DHDH: variants seen among roughly 807,000 people sequenced by gnomAD.
The protein encoded by DHDH is dihydrodiol dehydrogenase, also known as trans-1,2-dihydrobenzene-1,2-diol dehydrogenase.
A neutral mutation model predicts 33.2 loss-of-function variants in DHDH; 29 were observed. The observed-to-expected ratio is 0.87, with a 90% CI of 0.65 to 1.19. The LOEUF (loss-of-function observed/expected upper bound fraction) is 1.19. Ranked by LOEUF, DHDH falls within the 50% of genes most tolerant of loss-of-function variation. The pLI, the probability that DHDH is intolerant of heterozygous loss-of-function variation, is 0.00. For missense variants in DHDH, 431 were observed against 455.0 expected, an observed-to-expected ratio of 0.95 and a Z score of 0.48; for synonymous variants, 201 against 187.9, an observed-to-expected ratio of 1.07 and a Z score of -0.57.
chr19:48,937,588 G>A (rs1568596290), intron 3 of DHDH, among the ~76,000 whole-genome samples: 1 of 151,666 alleles, frequency 6.6e-6, no homozygotes, highest in South Asian at 2.1e-4. Flanking sequence ...AGAGGCGGGC[G>A]GATCACGACG....
intron 1 of DHDH, among the ~76,000 whole-genome samples, chr19:48,934,372 C>G (rs1196910240): frequency 2.0e-5 from 3 of 152,174 alleles, no homozygotes; most frequent in African/African-American, 7.2e-5. Context: ...CCTTACATCC[C>G]CTAGCCCGAC....
At chr19:48,944,536 A>G (rs535735229) in intron 6 of DHDH, 29 bp downstream of exon 6, 3 of 1,561,744 alleles carry the variant, frequency 1.9e-6, no homozygotes, top group South Asian at 2.4e-5. Flanking sequence ...GGCAGGCGCC[A>G]GGCCTGGTAG....
In DHDH at chr19:48,944,092, C is replaced by T. The variant is rs181574253; in HGVS notation, c.745-265C>T. Among the ~76,000 whole-genome samples the T allele has an allele frequency of 1.2e-4, 19 of 152,228 alleles. No homozygotes were observed. In the East Asian group the frequency reaches 3.7e-3, roughly 29 times the overall value. ...CCTCCTCTCTAGACCTTAAGAACAC[C>T]TTGTTTCTAAGCTCCTAAGGTTAGG... On this transcript the variant is annotated intron_variant, in intron 5 of 6. Coordinates refer to ENST00000221403, the MANE Select transcript of DHDH (RefSeq NM_014475.4).
chr19:48,944,452 C>A lies in DHDH; in HGVS notation c.840C>A (p.Asp280Glu), dbSNP rs2037911733. Residue 280 changes from aspartate (D) to glutamate (E), a missense_variant, in exon 6 of 7, where the codon GAC becomes GAA. Physicochemically the swap from Asp to Glu is conservative, Grantham distance 45. Transcript: ENST00000221403. ...CAGTCCCAAAGGACTGCAATTTTGA[C>A]AACGGGGCAGGCATGAGTTATGAGG... The part of the protein sequence containing the change: ...LPPVPKDCNF[D>E]NGAGMSYEAK... 6.2e-7 allele frequency: 1 copy of A among 1,613,788 alleles called. No individual in the cohort carries two copies. The highest frequency in any genetic ancestry group is 1.7e-5 in the Admixed American group (1 of 59,962).
chr19:48,938,120 CAG>C lies in DHDH; in HGVS notation c.367-1326_367-1325del, dbSNP rs1370285734. ...GTTGTCATTGTTGTTGTTTTTGAGA[CAG>C]AGTCTTGCTCTGTCGCCAGGCTGGA... On this transcript the variant is annotated intron_variant, in intron 3 of 6. Transcript: ENST00000221403. Among the ~76,000 whole-genome samples, 21 of 152,144 alleles carry C rather than the reference CAG, an allele frequency of 1.4e-4. No homozygotes were observed. The South Asian group carries it at 3.9e-3, about 29-fold the overall frequency.
chr19:48,935,982 G>A (rs749636591), intron 2 of DHDH, 50 bp from the exon 3 acceptor site: 36 of 1,554,624 alleles, frequency 2.3e-5, no homozygotes, highest in Non-Finnish European at 2.8e-5. Flanking sequence ...GCGGAGCTCG[G>A]CTGTCTGGGT....
At chr19:48,939,349 G>T in intron 3 of DHDH, 100 bp from the exon 4 acceptor site, 1 of 1,381,620 alleles carries the variant, frequency 7.2e-7, no homozygotes, top group Non-Finnish European at 9.9e-7. Context: ...GGACTGATGG[G>T]CTGTGTTTGG....
At position 48,935,123 on chromosome 19, in the gene DHDH, G is replaced by A. The variant is rs781165168; in HGVS notation, c.202+12G>A. On this transcript the variant is annotated intron_variant, in intron 2 of 6. Coordinates refer to ENST00000221403, the MANE Select transcript of DHDH (RefSeq NM_014475.4). The stretch of plus-strand genomic sequence containing the variant: ...GGACCCGAGCGTGGGTGAGTGGCGA[G>A]GGCGATGGGGGTGCTGGCCGCCGCC... 3.3e-6 allele frequency: 5 copies of A among 1,534,568 alleles called. No individual in the cohort carries two copies. In the East Asian group the frequency reaches 1.2e-4, roughly 38 times the overall value.
At chr19:48,940,478 C>T (rs1177193566) in intron 4 of DHDH, among the ~76,000 whole-genome samples, 3 of 151,856 alleles carry the variant, frequency 2.0e-5, no homozygotes, top group African/African-American at 7.3e-5. Flanking sequence ...GACCTTTAAC[C>T]CCAAGGAGCA....
chr19:48,934,135 T>C (rs1035451727), intron 1 of DHDH, among the ~76,000 whole-genome samples: 2 of 152,228 alleles, frequency 1.3e-5, no homozygotes, highest in Admixed American at 1.3e-4. Context: ...TGTCCTGTAT[T>C]GAATCAAAGT....
At chr19:48,939,028 G>A (rs1431857248) in intron 3 of DHDH, among the ~76,000 whole-genome samples, 1 of 152,138 alleles carries the variant, frequency 6.6e-6, no homozygotes, top group Non-Finnish European at 1.5e-5. Context: ...GCTTTCAGAG[G>A]TACTAGGGAG....
rs892018518 is a variant in DHDH at position 48,944,841 on chromosome 19, G to A, written c.913G>A (p.Val305Met). 6.2e-7 allele frequency: 1 copy of A among 1,613,700 alleles called. No individual in the cohort carries two copies. The highest frequency in any genetic ancestry group is 1.7e-5 in the Admixed American group (1 of 60,016). The change falls in exon 7 of 7, where the codon GTG (valine) becomes ATG (methionine). Residue 305 changes from valine to methionine, a missense_variant. Physicochemically the swap from Val to Met is conservative, Grantham distance 21. Coordinates refer to ENST00000221403, the MANE Select transcript of DHDH (RefSeq NM_014475.4). ...CCCCACAGGTATGAAGGAAAGTCCT[G>A]TGATTCCCCTGTCGGAAAGTGAGCT... Reference protein sequence around the residue: ...CLRKGMKESPVIPLSESELLA... With the variant: ...CLRKGMKESPMIPLSESELLA...
chr19:48,942,409 G>A lies in DHDH; in HGVS notation c.620-31G>A, dbSNP rs200683752. ...CAGTCTCAGAGACTCTGCCCTGAGA[G>A]ACCCTGCCCTGACCCAGGACTTCCC... On this transcript the variant is annotated intron_variant, in intron 4 of 6. Coordinates refer to ENST00000221403, the MANE Select transcript of DHDH (RefSeq NM_014475.4). 4.5e-5 allele frequency: 71 copies of A among 1,562,076 alleles called. No individual in the cohort carries two copies. In the East Asian group the frequency reaches 1.6e-3, roughly 35 times the overall value.
rs780781090 is a variant in DHDH at position 48,944,523 on chromosome 19, C to T, written c.895+16C>T. On this transcript the variant is annotated intron_variant, in intron 6 of 6. Transcript: ENST00000221403. ...CTACGCAAGGGTAAGGATATGGATG[C>T]GGGGCAGGCGCCAGGCCTGGTAGGG... 87 of 1,576,210 alleles carry T rather than the reference C, an allele frequency of 5.5e-5. No homozygotes were observed. Among genetic ancestry groups the T allele is most frequent in the Non-Finnish European group, 6.7e-5 (77 of 1,156,770 alleles).
chr19:48,944,197 A>C (rs1041103698), intron 5 of DHDH, among the ~76,000 whole-genome samples, 160 bp from the exon 6 acceptor site: 1 of 152,108 alleles, frequency 6.6e-6, no homozygotes, highest in Non-Finnish European at 1.5e-5. Context: ...TAGCAACTAG[A>C]AATGAAGGAG....
chr19:48,936,021 T>A lies in DHDH; in HGVS notation c.203-11T>A, dbSNP rs1287643677. ...CGGGGCTGCTGACCTCTTGACCTAC[T>A]CCCACCCTAGAGGTGGCCTACATTG... On this transcript the variant is annotated splice_polypyrimidine_tract_variant and intron_variant, in intron 2 of 6. Coordinates refer to ENST00000221403, the MANE Select transcript of DHDH (RefSeq NM_014475.4). 6.3e-7 allele frequency: 1 copy of A among 1,589,642 alleles called. No homozygotes were observed. Among genetic ancestry groups the A allele is most frequent in the Non-Finnish European group, 8.5e-7 (1 of 1,169,876 alleles).
chr19:48,942,326 C>T (rs982803653), intron 4 of DHDH, 114 bp from the exon 5 acceptor site: 30 of 1,188,676 alleles, frequency 2.5e-5, no homozygotes, highest in Middle Eastern at 3.0e-4. Context: ...TTTTGCCTTG[C>T]CATGCAAGAA....
intron 3 of DHDH, among the ~76,000 whole-genome samples, chr19:48,937,448 G>GTT (rs2037793980): frequency 6.6e-6 from 1 of 152,124 alleles, no homozygotes; most frequent in Admixed American, 6.5e-5. Flanking sequence ...GGCCGAGGCG[G>GTT]GCAGATCACC....
chr19:48,933,811 G>A lies in DHDH; in HGVS notation c.90G>A (p.Gln30=). ...VLQTLPRSEH[Q]VVAVAARDLS... is the part of the protein sequence containing the mutation. ...AGACGCTGCCTCGCTCTGAGCACCAGGTCTGCCCGCCCTCCGGATTCTGGG... is the reference window on the plus strand; with the variant it reads ...AGACGCTGCCTCGCTCTGAGCACCAAGTCTGCCCGCCCTCCGGATTCTGGG... The change falls in exon 1 of 7, where the codon CAG becomes CAA. Residue 30 remains glutamine (Q), a splice_region_variant and synonymous_variant. Coordinates refer to ENST00000221403, the MANE Select transcript of DHDH (RefSeq NM_014475.4). 2 of 1,608,584 alleles carry A rather than the reference G, an allele frequency of 1.2e-6. No individual in the cohort carries two copies. Among genetic ancestry groups the A allele is most frequent in the Non-Finnish European group, 1.7e-6 (2 of 1,179,870 alleles).
Sources: gnomAD v4.1 joint callset for allele counts (sites outside exome capture counted in the v4.1 genomes callset) on GRCh38, gnomAD v4.1.1 for gene constraint, MANE v1.5 for transcripts, NCBI Gene and HGNC (gene_info 2026-07-23, HGNC 2026-07-21) for gene names.